EPM2A: variants seen among roughly 807,000 people sequenced by gnomAD.
The protein encoded by EPM2A is laforin.
Under a neutral mutation model 26.5 loss-of-function variants are expected in EPM2A, and 21 were observed. The observed-to-expected ratio is 0.79, with a 90% CI of 0.56 to 1.14. The LOEUF is 1.14. Among genes scored for constraint, EPM2A ranks in the 50% most tolerant of loss-of-function variants. The probability of loss-of-function intolerance (pLI) is 0.00; values close to 1 mark genes in which losing one functional copy is unlikely to be tolerated. For missense variants in EPM2A, 458 were observed against 440.8 expected (o/e 1.04, Z -0.35); for synonymous variants, 217 against 177.6 (o/e 1.22, Z -1.76).
intron 3 of EPM2A, among the ~76,000 whole-genome samples, chr6:145,633,564 C>G (rs1173998680): frequency 6.6e-6 from 1 of 152,174 alleles, no homozygotes; most frequent in Non-Finnish European, 1.5e-5. Flanking sequence ...CAATTCAGCT[C>G]AGACACAGAT....
intron 2 of EPM2A, among the ~76,000 whole-genome samples, chr6:145,676,843 G>A (rs1286130051): frequency 1.3e-5 from 2 of 152,036 alleles, no homozygotes; most frequent in East Asian, 3.8e-4. Flanking sequence ...CAAATTCTAT[G>A]AGAGGTACAA....
intron 4 of EPM2A, among the ~76,000 whole-genome samples, chr6:145,481,141 A>T (rs575351384): frequency 6.6e-6 from 1 of 152,266 alleles, no homozygotes; most frequent in Admixed American, 6.5e-5. Flanking sequence ...CACCAGAAAA[A>T]AAACAACTGC....
At chr6:145,448,241 G>A (rs1779150140) in intron 4 of EPM2A, among the ~76,000 whole-genome samples, 1 of 152,052 alleles carries the variant, frequency 6.6e-6, no homozygotes, top group Admixed American at 6.6e-5. Context: ...TCCAAATGAA[G>A]TATTCCTTCA....
At chr6:145,534,920 G>T (rs766605940) in intron 2 of EPM2A, among the ~76,000 whole-genome samples, 1 of 152,268 alleles carries the variant, frequency 6.6e-6, no homozygotes, top group East Asian at 1.9e-4. Context: ...TAGGTCCAGT[G>T]TACTTTAGAT....
chr6:145,681,051 C>T (rs1233525854), intron 2 of EPM2A, among the ~76,000 whole-genome samples: 1 of 152,190 alleles, frequency 6.6e-6, no homozygotes, highest in Non-Finnish European at 1.5e-5. Flanking sequence ...TCTCCAGCAC[C>T]TGTTGTTTCC....
intron 4 of EPM2A, among the ~76,000 whole-genome samples, chr6:145,476,573 A>T (rs1779546080): frequency 6.6e-6 from 1 of 152,086 alleles, no homozygotes; most frequent in African/African-American, 2.4e-5. Context: ...GTCTTAAAAC[A>T]TTTCAAAAAA....
At chr6:145,510,103 A>G (rs1780034317) in intron 2 of EPM2A, among the ~76,000 whole-genome samples, 1 of 144,560 alleles carries the variant, frequency 6.9e-6, no homozygotes, top group Non-Finnish European at 1.5e-5. Context: ...TTCTGGACCT[A>G]AAAAAAAAAA....
intron 4 of EPM2A, among the ~76,000 whole-genome samples, chr6:145,417,849 C>T (rs899534883): frequency 6.6e-6 from 1 of 152,116 alleles, no homozygotes; most frequent in Non-Finnish European, 1.5e-5. Context: ...TATTTCCACA[C>T]ACCTCGAGAG....
intron 2 of EPM2A, among the ~76,000 whole-genome samples, chr6:145,656,468 T>C (rs1157269271): frequency 6.6e-6 from 1 of 152,198 alleles, no homozygotes; most frequent in Non-Finnish European, 1.5e-5. Context: ...ATATAGTCTT[T>C]CTATGGGAAA....
chr6:145,663,347 C>T (rs1778880540), intron 2 of EPM2A, among the ~76,000 whole-genome samples: 1 of 152,216 alleles, frequency 6.6e-6, no homozygotes, highest in African/African-American at 2.4e-5. Context: ...ATCTGAGGTA[C>T]CGGGTTCATC....
At chr6:145,631,509 A>C (rs1776248169) in intron 3 of EPM2A, 1 of 152,198 alleles carries the variant, frequency 6.6e-6, no homozygotes, top group Admixed American at 6.5e-5. Flanking sequence ...CCTAGTTCTC[A>C]GTAGATGCTC....
chr6:145,506,093 C>T (rs1582807973), intron 2 of EPM2A, among the ~76,000 whole-genome samples: 1 of 152,086 alleles, frequency 6.6e-6, no homozygotes, highest in East Asian at 1.9e-4. Flanking sequence ...AATCTACTGT[C>T]AAGAAATGAT....
At chr6:145,395,059 A>G (rs544219334) in intron 4 of EPM2A, among the ~76,000 whole-genome samples, 29 of 152,150 alleles carry the variant, frequency 1.9e-4, no homozygotes, top group African/African-American at 4.6e-4. Context: ...TAAGTTTCAC[A>G]GACATCTATT....
At chr6:145,534,717 T>C (rs932483705) in intron 2 of EPM2A, among the ~76,000 whole-genome samples, 3 of 152,220 alleles carry the variant, frequency 2.0e-5, no homozygotes, top group Non-Finnish European at 4.4e-5. Flanking sequence ...AGTAATGCAG[T>C]TCTGATTTGC....
At chr6:145,711,026 A>T (rs1027905920) in intron 1 of EPM2A, among the ~76,000 whole-genome samples, 1 of 151,496 alleles carries the variant, frequency 6.6e-6, no homozygotes, top group Non-Finnish European at 1.5e-5. Context: ...ATGTTAAATG[A>T]CGAGTTAATG....
At chr6:145,724,914 G>T (rs545761095) in intron 1 of EPM2A, among the ~76,000 whole-genome samples, 9 of 151,854 alleles carry the variant, frequency 5.9e-5, no homozygotes, top group African/African-American at 2.2e-4. Context: ...AAAACTAGAC[G>T]CCCTTGGATT....
Position 145,627,081 on chromosome 6 carries a change from C to A in EPM2A, c.*335G>T. ...TCAGTGCAACAGGAAAGTGCTGTCA[C>A]GGATCCATCGTGCAACACATACAGT... is the stretch of plus-strand genomic sequence containing the variant. On this transcript the variant is annotated 3_prime_UTR_variant, in exon 4 of 4. Transcript: ENST00000367519. 2 of 1,216,524 alleles carry A rather than the reference C, an allele frequency of 1.6e-6. No individual in the cohort carries two copies. The highest frequency in any genetic ancestry group is 2.1e-6 in the Non-Finnish European group (2 of 966,614). 75.4% of individuals were successfully genotyped at this position (1,216,524 alleles called of 1,614,324 possible). A position where few individuals can be genotyped will look rare whatever the true frequency, so the allele number is the denominator to read the frequency against.
chr6:145,653,261 G>A (rs1439374924), intron 2 of EPM2A, among the ~76,000 whole-genome samples: 1 of 152,196 alleles, frequency 6.6e-6, no homozygotes, highest in Admixed American at 6.5e-5. Context: ...TGCTGTTCTT[G>A]TGATAGGGGG....
chr6:145,460,802 G>C (rs1779320307), intron 4 of EPM2A, among the ~76,000 whole-genome samples: 2 of 151,994 alleles, frequency 1.3e-5, no homozygotes, highest in Non-Finnish European at 2.9e-5. Context: ...ACTAAGAGAA[G>C]GAATATTCTC....
Sources: gnomAD v4.1 joint callset for allele counts (sites outside exome capture counted in the v4.1 genomes callset) on GRCh38, gnomAD v4.1.1 for gene constraint, MANE v1.5 for transcripts, NCBI Gene and HGNC (gene_info 2026-07-23, HGNC 2026-07-21) for gene names.